Variants in ABCB8 observed in about 807,000 individuals in gnomAD.
The protein encoded by ABCB8 is ATP binding cassette subfamily B member 8.
A neutral mutation model predicts 73.0 loss-of-function variants in ABCB8; 52 were observed. The observed-to-expected ratio is 0.71, with a 90% CI of 0.57 to 0.90. The LOEUF (loss-of-function observed/expected upper bound fraction) is 0.90, where lower values mean the gene tolerates loss of function less well. Ranked by LOEUF, ABCB8 falls within the 40% of genes least tolerant of loss-of-function variation. ABCB8 has a pLI of 0.00. For missense variants in ABCB8, 909 were observed against 974.6 expected (o/e 0.93, Z 0.90); for synonymous variants, 428 against 423.5 (o/e 1.01, Z -0.13).
At chr7:151,044,284 A>G (rs910553195) in intron 15 of ABCB8, 63 bp downstream of exon 15, 20 of 1,562,104 alleles carry the variant, frequency 1.3e-5, no homozygotes, top group Non-Finnish European at 1.7e-5. Context: ...ACAGTGGCAC[A>G]ATGCTGCAAT....
Position 151,045,212 on chromosome 7 carries a change from G to T in ABCB8, c.2020G>T (p.Gly674Trp). 6.3e-7 allele frequency: 1 copy of T among 1,575,174 alleles called. No individual in the cohort carries two copies. Among genetic ancestry groups the T allele is most frequent in the Non-Finnish European group, 8.6e-7 (1 of 1,158,472 alleles). ...VMADGRVWEA[G>W]THEELLKKGG... ...GCCCTTCCCTCCCATCTTCCAGGCT[G>T]GGACACATGAAGAGCTCCTGAAGAA... The change falls in exon 16 of 16, where the codon GGG becomes TGG. Residue 674 changes from glycine (G) to tryptophan (W), a missense_variant. Coordinates refer to ENST00000358849, the MANE Select transcript of ABCB8 (RefSeq NM_007188.5).
At chr7:151,031,245 A>G (rs1261663338) in intron 1 of ABCB8, 4 of 1,537,056 alleles carry the variant, frequency 2.6e-6, no homozygotes, top group South Asian at 1.2e-5. Flanking sequence ...TTTCAGAAAC[A>G]CATGGCGTAA....
In ABCB8 at chr7:151,036,162, C is replaced by T. The variant is rs370026207; in HGVS notation, c.1103C>T (p.Ala368Val). 4 of 1,606,386 alleles carry T rather than the reference C, an allele frequency of 2.5e-6. No homozygotes were observed. The South Asian group carries it at 3.3e-5, about 13-fold the overall frequency. The change falls in exon 8 of 16, where the codon GCC (alanine) becomes GTC (valine). Residue 368 changes from alanine to valine, a missense_variant. By Grantham distance (64) the Ala-to-Val change is moderately conservative. Transcript: ENST00000358849. ...TTGTTCCAAGGGCTTTCCAACATCG[C>T]CTTCAACTGTGAGTGAGCCATTTGG... ...IALFQGLSNI[A>V]FNCMVLGTLF...
chr7:151,033,998 CT>C (rs772688064), intron 2 of ABCB8, 81 bp downstream of exon 2: 21 of 1,460,918 alleles, frequency 1.4e-5, no homozygotes, highest in Non-Finnish European at 1.8e-5. Context: ...GCCTCGCTGC[CT>C]CTCAGGGGAG....
Position 151,040,861 on chromosome 7 carries a change from A to G in ABCB8, c.1422A>G (p.Lys474=), listed in dbSNP as rs1340668431. ...YPCRPGFEVL[K]DFTLTLPPGK... ...GCCGCCCCGGCTTCGAGGTGCTGAA[A>G]GACTTCACCCTGACGCTGCCCCCTG... is the stretch of plus-strand genomic sequence containing the variant. The change falls in exon 12 of 16, where the codon AAA becomes AAG. Residue 474 remains lysine, a synonymous_variant. Transcript: ENST00000358849. 6 of 1,603,838 alleles carry G rather than the reference A, an allele frequency of 3.7e-6. No individual in the cohort carries two copies. Among genetic ancestry groups the G allele is most frequent in the African/African-American group, 1.3e-5 (1 of 74,730 alleles).
intron 5 of ABCB8, 85 bp from the exon 6 acceptor site, chr7:151,035,496 G>A: frequency 6.8e-7 from 1 of 1,470,292 alleles, no homozygotes; most frequent in Non-Finnish European, 9.1e-7. Flanking sequence ...TGGGAGTGCA[G>A]AGCTACAGTC....
rs767349883 is a variant in ABCB8 at position 151,040,853 on chromosome 7, G to A, written c.1414G>A (p.Val472Met). 9 of 1,601,432 alleles carry A rather than the reference G, an allele frequency of 5.6e-6. No homozygotes were observed. Among genetic ancestry groups the A allele is most frequent in the Non-Finnish European group, 6.8e-6 (8 of 1,174,416 alleles). The change falls in exon 12 of 16, where the codon GTG becomes ATG. Residue 472 changes from valine (V) to methionine (M), a missense_variant. Coordinates refer to ENST00000358849, the MANE Select transcript of ABCB8 (RefSeq NM_007188.5). ...CTACCCCTGCCGCCCCGGCTTCGAGGTGCTGAAAGACTTCACCCTGACGCT... is the reference window on the plus strand; with the variant it reads ...CTACCCCTGCCGCCCCGGCTTCGAGATGCTGAAAGACTTCACCCTGACGCT... ...FSYPCRPGFE[V>M]LKDFTLTLPP...
intron 1 of ABCB8, 88 bp from the exon 2 acceptor site, chr7:151,033,517 A>G (rs1796219144): frequency 6.7e-7 from 1 of 1,499,036 alleles, no homozygotes; most frequent in African/African-American, 1.4e-5. Context: ...TGCTCCTTCC[A>G]GAGGGCTCAG....
intron 15 of ABCB8, among the ~76,000 whole-genome samples, chr7:151,044,602 G>T (rs1476152922): frequency 6.6e-6 from 1 of 152,180 alleles, no homozygotes; most frequent in Non-Finnish European, 1.5e-5. Context: ...AAATTAGCCG[G>T]ATGTGGTGGC....
At chr7:151,032,948 G>A in intron 1 of ABCB8, 1 of 452,660 alleles carries the variant, frequency 2.2e-6, no homozygotes, top group South Asian at 1.6e-5. Context: ...AGTAGAGCCA[G>A]CCTGGGTGCT....
intron 1 of ABCB8, chr7:151,031,340 A>C: frequency 6.6e-7 from 1 of 1,523,216 alleles, no homozygotes; most frequent in South Asian, 1.2e-5. Flanking sequence ...GTGGAAAACA[A>C]GACATAAAAA....
chr7:151,036,018 C>T (rs1339569823), intron 7 of ABCB8, 51 bp downstream of exon 7: 2 of 1,612,610 alleles, frequency 1.2e-6, no homozygotes, highest in South Asian at 2.2e-5. Context: ...CCACACCCTG[C>T]CAACCCTTCG....
chr7:151,035,729 A>T lies in ABCB8; in HGVS notation c.914A>T (p.Gln305Leu), dbSNP rs1202229206. 6.2e-6 allele frequency: 10 copies of T among 1,613,102 alleles called. No individual in the cohort carries two copies. The highest frequency in any genetic ancestry group is 8.5e-6 in the Non-Finnish European group (10 of 1,180,030). The change falls in exon 6 of 16, where the codon CAG (glutamine) becomes CTG (leucine). Residue 305 changes from glutamine (Q) to leucine (L), a missense_variant. Physicochemically the swap from Gln to Leu is moderately radical, Grantham distance 113. Coordinates refer to ENST00000358849, the MANE Select transcript of ABCB8 (RefSeq NM_007188.5). ...MGSGLRKLSRQCQEQIARAMG... is the reference protein window; with the variant it reads ...MGSGLRKLSRLCQEQIARAMG... ...TCAGGCCTCCGAAAATTGTCTCGCC[A>T]GTGTCAGGAGCAGGTACCGGCATTC...
rs771806920 is a variant in ABCB8, at chr7:151,040,504, C to T, written c.1258C>T (p.Arg420Trp). The T allele has an allele frequency of 6.8e-6, 11 of 1,610,960 alleles. No individual in the cohort carries two copies. The highest frequency in any genetic ancestry group is 5.5e-5 in the South Asian group (5 of 90,872). Residue 420 changes from arginine (R) to tryptophan (W), a missense_variant, in exon 11 of 16, where the codon CGG (arginine) becomes TGG (tryptophan). Arg to Trp is a moderately radical substitution (Grantham distance 101, BLOSUM62 -3). Coordinates refer to ENST00000358849, the MANE Select transcript of ABCB8 (RefSeq NM_007188.5). The stretch of plus-strand genomic sequence containing the variant: ...TTTGGATCCCCTCCCACAGGTGGTC[C>T]GGGGGCTGAGTGCAGGTGCCCGGGT... ...NLSVLFGQVV[R>W]GLSAGARVFE...
Position 151,040,500 on chromosome 7 carries a change from G to A in ABCB8, c.1254G>A (p.Val418=). ...MANLSVLFGQ[V]VRGLSAGARV... Reference sequence around the variant, plus strand: ...GGACTTTGGATCCCCTCCCACAGGTGGTCCGGGGGCTGAGTGCAGGTGCCC... The same window carrying A: ...GGACTTTGGATCCCCTCCCACAGGTAGTCCGGGGGCTGAGTGCAGGTGCCC... Residue 418 remains valine (V), a splice_region_variant and synonymous_variant, in exon 11 of 16, where the codon GTG becomes GTA. Transcript: ENST00000358849. 1 of 1,609,486 alleles carries A rather than the reference G, an allele frequency of 6.2e-7. No individual in the cohort carries two copies. The highest frequency in any genetic ancestry group is 8.5e-7 in the Non-Finnish European group (1 of 1,177,010).
chr7:151,031,230 C>G (rs370959772), intron 1 of ABCB8: 17 of 1,495,334 alleles, frequency 1.1e-5, no homozygotes, highest in Admixed American at 5.7e-5. Flanking sequence ...ATATAATTTC[C>G]TGCCTTTCAG....
At chr7:151,031,634 C>CTT (rs547031807) in intron 1 of ABCB8, 13 of 153,840 alleles carry the variant, frequency 8.5e-5, no homozygotes, top group South Asian at 3.8e-4. Context: ...CTGCTATGAT[C>CTT]TTTTTTTTTT....
rs557141554 is a variant in ABCB8, at chr7:151,047,089, C to T, written c.*1740C>T. The stretch of plus-strand genomic sequence containing the variant: ...CTGCTTGTTGGCCTGACCCCTCCCT[C>T]ACCAGGCAGCCAGCCAAGGTGGTTC... On this transcript the variant is annotated 3_prime_UTR_variant, in exon 16 of 16. Transcript: ENST00000358849. The T allele has an allele frequency of 1.1e-4, 17 of 152,426 alleles. No individual in the cohort carries two copies. The highest frequency in any genetic ancestry group is 4.1e-4 in the African/African-American group (17 of 41,578). 9.4% of individuals were successfully genotyped at this position (152,426 alleles called of 1,614,324 possible). A position where few individuals can be genotyped will look rare whatever the true frequency, so the allele number is the denominator to read the frequency against.
chr7:151,033,269 A>T, intron 1 of ABCB8: 1 of 512,726 alleles, frequency 2.0e-6, no homozygotes, highest in Non-Finnish European at 3.3e-6. Flanking sequence ...TGGCCATCTA[A>T]CGTGCCATCC....
Sources: allele counts gnomAD v4.1 joint callset (sites outside exome capture counted in the v4.1 genomes callset), GRCh38; gene constraint gnomAD v4.1.1; transcripts MANE v1.5; gene names NCBI Gene and HGNC (gene_info 2026-07-23, HGNC 2026-07-21).